The following RRBP1 variants were observed in gnomAD, a reference collection of about 807,000 sequenced individuals.
RRBP1 encodes the protein ribosome-binding protein 1.
RRBP1 carries 94 observed loss-of-function variants against 165.2 expected under a neutral mutation model. The ratio of observed to expected loss-of-function variants is 0.57; its 90% confidence interval spans 0.48 to 0.68. The LOEUF (loss-of-function observed/expected upper bound fraction) is 0.68. Ranked by LOEUF, RRBP1 falls within the 30% of genes least tolerant of loss-of-function variation. The probability of loss-of-function intolerance (pLI) is 0.00; values close to 1 mark genes in which losing one functional copy is unlikely to be tolerated. For synonymous variants in RRBP1, 680 were observed against 714.5 expected (o/e 0.95, Z 0.77); for missense variants, 1,676 against 1,763.0 (o/e 0.95, Z 0.88).
At chr20:17,666,957 G>A (rs1462697078) in intron 2 of RRBP1, among the ~76,000 whole-genome samples, 1 of 152,156 alleles carries the variant, frequency 6.6e-6, no homozygotes, top group Non-Finnish European at 1.5e-5. Context: ...AAGTTTCTAT[G>A]GTATAAATGT....
At chr20:17,664,954 T>A (rs1320964430) in intron 2 of RRBP1, among the ~76,000 whole-genome samples, 1 of 152,194 alleles carries the variant, frequency 6.6e-6, no homozygotes, top group Non-Finnish European at 1.5e-5. Context: ...TCCTAATTTT[T>A]AAAATATTAT....
intron 8 of RRBP1, among the ~76,000 whole-genome samples, 190 bp downstream of exon 8, chr20:17,633,270 G>C (rs1478490827): frequency 1.3e-5 from 2 of 152,228 alleles, no homozygotes; most frequent in Non-Finnish European, 2.9e-5. Context: ...CTTGATGCCA[G>C]CTGTAACTAC....
intron 8 of RRBP1, among the ~76,000 whole-genome samples, chr20:17,631,931 A>G (rs1281297722): frequency 2.0e-5 from 3 of 152,216 alleles, no homozygotes; most frequent in African/African-American, 4.8e-5. Flanking sequence ...TGACTTGGAG[A>G]TATCTTGAAT....
intron 3 of RRBP1, among the ~76,000 whole-genome samples, chr20:17,648,143 C>A (rs759524497): frequency 6.6e-6 from 1 of 152,214 alleles, no homozygotes; most frequent in Non-Finnish European, 1.5e-5. Flanking sequence ...AGCCGGCTCC[C>A]TTCAGGGTCC....
intron 9 of RRBP1, among the ~76,000 whole-genome samples, chr20:17,629,490 A>G (rs554945101): frequency 6.6e-6 from 1 of 152,242 alleles, no homozygotes; most frequent in Non-Finnish European, 1.5e-5. Flanking sequence ...CAGGCTTGGG[A>G]GGGAAGCAGT....
chr20:17,665,447 C>A (rs548805361), intron 2 of RRBP1, among the ~76,000 whole-genome samples: 2 of 152,196 alleles, frequency 1.3e-5, no homozygotes, highest in Non-Finnish European at 2.9e-5. Context: ...TCCTGGCTCA[C>A]TGCAACCTCT....
intron 15 of RRBP1, 60 bp downstream of exon 15, chr20:17,621,630 C>T (rs2122261160): frequency 1.3e-6 from 2 of 1,594,336 alleles, no homozygotes; most frequent in African/African-American, 1.3e-5. Context: ...CTTGGGGCAG[C>T]CCCTCTTCCT....
intron 8 of RRBP1, among the ~76,000 whole-genome samples, chr20:17,632,324 C>T (rs1057467944): frequency 5.3e-5 from 8 of 152,290 alleles, no homozygotes; most frequent in South Asian, 4.1e-4. Context: ...AGGAATGACA[C>T]GTGATGGTGA....
chr20:17,642,829 G>A (rs2036389463), intron 4 of RRBP1, 150 bp downstream of exon 4: 1 of 864,146 alleles, frequency 1.2e-6, no homozygotes, highest in Middle Eastern at 3.6e-4. Context: ...CAAAGCACCT[G>A]CGAGCGATCC....
At chr20:17,636,176 A>AT (rs145926075) in intron 6 of RRBP1, among the ~76,000 whole-genome samples, 1,899 of 152,250 alleles carry the variant, frequency 0.012, 25 homozygotes, top group Non-Finnish European at 0.021. Context: ...GAGCTGTGTG[A>AT]TTTTCAGGCC....
Position 17,627,522 on chromosome 20 carries a change from C to G in RRBP1, c.2910G>C (p.Arg970=). 6.2e-7 allele frequency: 1 copy of G among 1,611,238 alleles called. No individual in the cohort carries two copies. Among genetic ancestry groups the G allele is most frequent in the South Asian group, 1.1e-5 (1 of 90,712 alleles). ...GGCTGACCTGGACGTCCTGGGCATC[C>G]CGCGCCTGGCCCGCCTCCAGCAGGG... is the stretch of plus-strand genomic sequence containing the variant. The part of the protein sequence containing the change: ...IEALLEAGQA[R]DAQDVQASQA... The change falls in exon 10 of 25, where the codon CGG becomes CGC. Residue 970 remains arginine, a synonymous_variant. Transcript: ENST00000377813.
chr20:17,642,062 C>T, intron 4 of RRBP1, 143 bp from the exon 5 acceptor site: 1 of 959,302 alleles, frequency 1.0e-6, no homozygotes, highest in Non-Finnish European at 1.5e-6. Flanking sequence ...ACTCCAGATA[C>T]TTGTGGGGAA....
At chr20:17,667,365 T>C (rs1362005101) in intron 2 of RRBP1, among the ~76,000 whole-genome samples, 1 of 152,222 alleles carries the variant, frequency 6.6e-6, no homozygotes, top group Non-Finnish European at 1.5e-5. Flanking sequence ...ATCCAATCTA[T>C]AAAATTAATA....
chr20:17,636,712 C>T lies in RRBP1; in HGVS notation c.2202G>A (p.Lys734=). The T allele has an allele frequency of 1.2e-6, 2 of 1,613,068 alleles. No homozygotes were observed. Among genetic ancestry groups the T allele is most frequent in the Non-Finnish European group, 1.7e-6 (2 of 1,180,030 alleles). ...TGGCCTCCCCGGCTGCTGCTTTGGC[C>T]TTTTCTGCTGCCATCTCCTGGGGGG... The part of the protein sequence containing the change: ...RELNKEMAAE[K]AKAAAGEAKV... The change falls in exon 6 of 25, where the codon AAG becomes AAA. Residue 734 remains lysine (K), a synonymous_variant. Coordinates refer to ENST00000377813, the MANE Select transcript of RRBP1 (RefSeq NM_001365613.2).
At chr20:17,628,347 C>T (rs1044317164) in intron 9 of RRBP1, among the ~76,000 whole-genome samples, 5 of 152,200 alleles carry the variant, frequency 3.3e-5, no homozygotes, top group Non-Finnish European at 7.3e-5. Context: ...TCCTCCCTCG[C>T]CCACTGCCGA....
chr20:17,648,020 G>A (rs974643722), intron 3 of RRBP1, among the ~76,000 whole-genome samples: 1 of 152,198 alleles, frequency 6.6e-6, no homozygotes, highest in Non-Finnish European at 1.5e-5. Context: ...TGGAAGCCCA[G>A]CACCACGCAA....
At chr20:17,650,793 T>G (rs1168799928) in intron 3 of RRBP1, among the ~76,000 whole-genome samples, 1 of 152,206 alleles carries the variant, frequency 6.6e-6, no homozygotes, top group Non-Finnish European at 1.5e-5. Context: ...CCTGCCAGTG[T>G]AACACCCAGA....
intron 3 of RRBP1, among the ~76,000 whole-genome samples, chr20:17,644,326 A>G (rs2036424567): frequency 6.6e-6 from 1 of 151,404 alleles, no homozygotes; most frequent in South Asian, 2.1e-4. Context: ...TCCTGGCAAA[A>G]GCATGCCCCT....
At chr20:17,628,658 A>G (rs1048423909) in intron 9 of RRBP1, among the ~76,000 whole-genome samples, 1 of 152,082 alleles carries the variant, frequency 6.6e-6, no homozygotes, top group Non-Finnish European at 1.5e-5. Flanking sequence ...TTCCAGCCAC[A>G]CTTGTTAGCC....
Sources: gnomAD v4.1 joint callset for allele counts (sites outside exome capture counted in the v4.1 genomes callset) on GRCh38, gnomAD v4.1.1 for gene constraint, MANE v1.5 for transcripts, NCBI Gene and HGNC (gene_info 2026-07-23, HGNC 2026-07-21) for gene names.